Variants in TBC1D4 observed in about 807,000 individuals in gnomAD.
TBC1D4 encodes TBC (Tre-2, BUB2, CDC16) domain-containing protein.
Under a neutral mutation model 142.5 loss-of-function variants are expected in TBC1D4, and 121 were observed. The observed-to-expected ratio is 0.85, with a 90% CI of 0.73 to 0.99. TBC1D4 has a LOEUF of 0.99. Ranked by LOEUF, TBC1D4 falls within the 50% of genes least tolerant of loss-of-function variation. The pLI, the probability that TBC1D4 is intolerant of heterozygous loss-of-function variation, is 0.00. For missense variants in TBC1D4, 1,475 were observed against 1,606.6 expected (o/e 0.92, Z 1.40); for synonymous variants, 630 against 628.2 (o/e 1.00, Z -0.04).
At chr13:75,306,581 G>A in intron 14 of TBC1D4, 110 bp from the exon 15 acceptor site, 2 of 1,295,238 alleles carry the variant, frequency 1.5e-6, no homozygotes, top group Non-Finnish European at 2.2e-6. Flanking sequence ...GAATCAACTG[G>A]TAGTGTATCT....
At chr13:75,364,107 C>T (rs1349755240) in intron 1 of TBC1D4, among the ~76,000 whole-genome samples, 1 of 152,070 alleles carries the variant, frequency 6.6e-6, no homozygotes, top group Non-Finnish European at 1.5e-5. Flanking sequence ...ATGGTGGGGG[C>T]GGTGCAGTTC....
At chr13:75,446,775 A>G (rs1232932150) in intron 1 of TBC1D4, among the ~76,000 whole-genome samples, 1 of 152,222 alleles carries the variant, frequency 6.6e-6, no homozygotes, top group Non-Finnish European at 1.5e-5. Context: ...AGCAGATTTT[A>G]GAGGTAGCAA....
intron 7 of TBC1D4, 64 bp from the exon 8 acceptor site, chr13:75,337,104 T>G: frequency 5.4e-6 from 8 of 1,486,412 alleles, no homozygotes; most frequent in Non-Finnish European, 6.5e-6. Flanking sequence ...AAACTTTAAT[T>G]ATAGGCTTAA....
At chr13:75,452,907 C>T (rs995951526) in intron 1 of TBC1D4, among the ~76,000 whole-genome samples, 4 of 151,960 alleles carry the variant, frequency 2.6e-5, no homozygotes, top group Non-Finnish European at 5.9e-5. Flanking sequence ...AAGCCTGAGG[C>T]GGCCGTCAGG....
intron 1 of TBC1D4, among the ~76,000 whole-genome samples, chr13:75,408,466 T>C (rs761265105): frequency 7.9e-5 from 12 of 152,220 alleles, no homozygotes; most frequent in Non-Finnish European, 1.8e-4. Flanking sequence ...TAATGCTGTT[T>C]TGATATATGT....
intron 5 of TBC1D4, among the ~76,000 whole-genome samples, chr13:75,341,813 A>G (rs970861687): frequency 2.0e-5 from 3 of 152,210 alleles, no homozygotes; most frequent in South Asian, 2.1e-4. Flanking sequence ...TGATCTTGGC[A>G]TTACAATTAC....
chr13:75,403,342 T>A (rs1885190131), intron 1 of TBC1D4, among the ~76,000 whole-genome samples: 1 of 152,248 alleles, frequency 6.6e-6, no homozygotes, highest in Non-Finnish European at 1.5e-5. Flanking sequence ...TGCTAACAAC[T>A]AGTTTTTCAT....
intron 1 of TBC1D4, among the ~76,000 whole-genome samples, chr13:75,473,525 T>C (rs1888503466): frequency 1.3e-5 from 2 of 152,216 alleles, no homozygotes; most frequent in African/African-American, 2.4e-5. Context: ...TTAAAATTTG[T>C]GTGAAAATTC....
intron 1 of TBC1D4, among the ~76,000 whole-genome samples, chr13:75,467,285 C>A (rs1165987157): frequency 1.3e-5 from 2 of 152,200 alleles, no homozygotes; most frequent in Non-Finnish European, 2.9e-5. Context: ...TTTGCCTTAA[C>A]AAGCAGCTGT....
intron 1 of TBC1D4, among the ~76,000 whole-genome samples, chr13:75,476,938 A>T (rs764343168): frequency 8.5e-5 from 13 of 152,164 alleles, no homozygotes; most frequent in Non-Finnish European, 1.5e-4. Flanking sequence ...AAGCCCTGAC[A>T]CTGAACACCT....
At chr13:75,384,645 G>C (rs976415868) in intron 1 of TBC1D4, among the ~76,000 whole-genome samples, 10 of 150,120 alleles carry the variant, frequency 6.7e-5, no homozygotes, top group Admixed American at 6.6e-5. Flanking sequence ...TGAAAATTCA[G>C]TGATGATAAC....
rs749899409 is a variant in TBC1D4, at chr13:75,302,363, GAA to G, written c.2789_2790del (p.Phe930SerfsTer13). ...PKSRRGEIWQ[F>X]LALQYRLRHR... is the part of the protein sequence containing the mutation. Reference sequence around the variant, plus strand: ...TGTCTGAGTCGGTACTGTAAAGCCAGAAACTGCCAAATTTCTCCTCGTCGACT... The same window carrying G: ...TGTCTGAGTCGGTACTGTAAAGCCAGACTGCCAAATTTCTCCTCGTCGACT... On this transcript the variant is annotated frameshift_variant, in exon 16 of 21. Transcript: ENST00000377636. LOFTEE classifies it high-confidence loss of function. 3.1e-6 allele frequency: 5 copies of G among 1,614,172 alleles called. No homozygotes were observed. In the South Asian group the frequency reaches 5.5e-5, roughly 18 times the overall value.
intron 1 of TBC1D4, among the ~76,000 whole-genome samples, chr13:75,400,466 T>A (rs1237535364): frequency 5.9e-5 from 9 of 151,690 alleles, no homozygotes; most frequent in Non-Finnish European, 1.3e-4. Context: ...CATGCTTTTT[T>A]TTTTTTTTTG....
At chr13:75,403,157 G>C (rs1009154206) in intron 1 of TBC1D4, among the ~76,000 whole-genome samples, 1 of 152,138 alleles carries the variant, frequency 6.6e-6, no homozygotes, top group Non-Finnish European at 1.5e-5. Flanking sequence ...ACCTACTCCT[G>C]TCCATGGCCA....
rs574275764 is a variant in TBC1D4 at position 75,451,722 on chromosome 13, C to T, written c.498+29548G>A. Among the ~76,000 whole-genome samples the T allele has an allele frequency of 3.7e-4, 55 of 148,726 alleles. No individual in the cohort carries two copies. In the East Asian group the frequency reaches 9.9e-3, roughly 27 times the overall value. On this transcript the variant is annotated intron_variant, in intron 1 of 20. Coordinates refer to ENST00000377636, the MANE Select transcript of TBC1D4 (RefSeq NM_014832.5). ...GCTTTTCTATGTATATTTATATGTG[C>T]TCTATATTATAATTTATATAGTTAT...
At chr13:75,334,976 C>A (rs1450534727) in intron 8 of TBC1D4, among the ~76,000 whole-genome samples, 2 of 152,084 alleles carry the variant, frequency 1.3e-5, no homozygotes, top group Non-Finnish European at 2.9e-5. Flanking sequence ...ATATATAACC[C>A]ATCTCCACAA....
chr13:75,377,955 A>G (rs1484098834), intron 1 of TBC1D4, among the ~76,000 whole-genome samples: 1 of 151,996 alleles, frequency 6.6e-6, no homozygotes, highest in Non-Finnish European at 1.5e-5. Context: ...TATTGCCTTA[A>G]GTTTCTCTTT....
intron 1 of TBC1D4, among the ~76,000 whole-genome samples, chr13:75,413,170 A>AT (rs980431872): frequency 4.4e-4 from 65 of 147,876 alleles, no homozygotes; most frequent in Middle Eastern, 3.5e-3. Context: ...CCAAAAACTA[A>AT]TTTTTTTTTT....
chr13:75,413,405 C>A (rs1885766884), intron 1 of TBC1D4, among the ~76,000 whole-genome samples: 1 of 152,208 alleles, frequency 6.6e-6, no homozygotes, highest in African/African-American at 2.4e-5. Flanking sequence ...TGTGATCTGC[C>A]TGCCTCGGTC....
Sources: gnomAD v4.1 joint callset for allele counts (sites outside exome capture counted in the v4.1 genomes callset) on GRCh38, gnomAD v4.1.1 for gene constraint, MANE v1.5 for transcripts, NCBI Gene and HGNC (gene_info 2026-07-23, HGNC 2026-07-21) for gene names.